HEPH: variants seen among roughly 807,000 people sequenced by gnomAD.
HEPH encodes the protein hephaestin.
A neutral mutation model predicts 80.8 loss-of-function variants in HEPH; 69 were observed. That is an observed-to-expected ratio of 0.85 (90% CI 0.70 to 1.04). The LOEUF is 1.04. HEPH is among the 50% of genes least tolerant of loss of function. HEPH has a pLI of 0.00. For missense variants in HEPH, 1,115 were observed against 891.3 expected (o/e 1.25, Z -3.20); for synonymous variants, 431 against 322.8 (o/e 1.34, Z -3.60).
chrX:66,198,023 A>C, intron 10 of HEPH, 129 bp downstream of exon 10: 1 of 541,903 alleles, frequency 1.8e-6, no homozygotes, highest in Admixed American at 3.3e-5. Context: ...AAGCTGGTCC[A>C]TCAGAAATTA....
upstream of HEPH, among the ~76,000 whole-genome samples, chrX:66,163,501 A>T (rs1332303189): frequency 9.0e-6 from 1 of 111,208 alleles, no homozygotes; most frequent in Non-Finnish European, 1.9e-5. Flanking sequence ...TTAATATAAA[A>T]TTTCACTCTA....
At chrX:66,208,085 T>C in intron 14 of HEPH, 30 bp from the exon 15 acceptor site, 1 of 1,097,664 alleles carries the variant, frequency 9.1e-7, no homozygotes, top group Non-Finnish European at 1.2e-6. Context: ...AATGAAACTT[T>C]ATTTATTTAA....
chrX:66,240,898 G>GA (rs1310949784), intron 15 of HEPH, among the ~76,000 whole-genome samples: 1 of 111,674 alleles, frequency 9.0e-6, no homozygotes, highest in Non-Finnish European at 1.9e-5. Context: ...CAACATAAAA[G>GA]AAAAAATATT....
intron 19 of HEPH, among the ~76,000 whole-genome samples, chrX:66,262,934 G>A (rs1438076334): frequency 5.4e-5 from 6 of 111,383 alleles, no homozygotes; most frequent in Non-Finnish European, 1.1e-4. Context: ...CATGGGAGTG[G>A]TTGGTAGAAT....
At chrX:66,250,358 A>T (rs1168795031) in intron 15 of HEPH, among the ~76,000 whole-genome samples, 1 of 111,798 alleles carries the variant, frequency 8.9e-6, no homozygotes, top group Non-Finnish European at 1.9e-5. Flanking sequence ...ATAACACTTT[A>T]TCCGGTGATT....
At chrX:66,163,836 G>T (rs1368567716), upstream of HEPH, among the ~76,000 whole-genome samples, 1 of 112,136 alleles carries the variant, frequency 8.9e-6, no homozygotes, top group Admixed American at 9.4e-5. Flanking sequence ...TTAAATAAGA[G>T]AATGCATGTA....
intron 1 of HEPH, 31 bp from the exon 2 acceptor site, chrX:66,170,527 C>T: frequency 1.7e-6 from 2 of 1,177,516 alleles, no homozygotes; most frequent in Non-Finnish European, 1.2e-6. Flanking sequence ...CTTTCTTCTA[C>T]ACCAGCAGTT....
chrX:66,171,072 A>G, intron 2 of HEPH: 1 of 312,217 alleles, frequency 3.2e-6, no homozygotes, highest in Non-Finnish European at 6.0e-6. Context: ...TGTAAGATGT[A>G]TGGGTGGGAG....
At chrX:66,243,026 A>G (rs2090662448) in intron 15 of HEPH, among the ~76,000 whole-genome samples, 1 of 111,843 alleles carries the variant, frequency 8.9e-6, no homozygotes, top group Non-Finnish European at 1.9e-5. Context: ...ATAACCAAGG[A>G]AATACAAATA....
chrX:66,259,661 G>T (rs1194132745), intron 18 of HEPH, among the ~76,000 whole-genome samples: 1 of 108,921 alleles, frequency 9.2e-6, no homozygotes, highest in Non-Finnish European at 1.9e-5. Flanking sequence ...AGTCACCTCT[G>T]TTGATTTAGC....
intron 18 of HEPH, 116 bp downstream of exon 18, chrX:66,259,095 T>C: frequency 1.3e-6 from 1 of 788,744 alleles, no homozygotes; most frequent in African/African-American, 2.1e-5. Flanking sequence ...AGCAGAGGTC[T>C]AGTACATGGA....
chrX:66,195,718 T>G (rs1182070200), intron 9 of HEPH, among the ~76,000 whole-genome samples: 1 of 111,614 alleles, frequency 9.0e-6, no homozygotes, highest in East Asian at 2.8e-4. Flanking sequence ...TTGTCGAAAT[T>G]TATTTACTTT....
intron 19 of HEPH, among the ~76,000 whole-genome samples, chrX:66,262,294 T>A (rs1469840906): frequency 8.9e-6 from 1 of 111,948 alleles, no homozygotes; most frequent in Non-Finnish European, 1.9e-5. Flanking sequence ...AGGAAAGTCA[T>A]CTTTCTACTC....
At chrX:66,257,676 C>T (rs1019452975) in intron 17 of HEPH, among the ~76,000 whole-genome samples, 1 of 111,830 alleles carries the variant, frequency 8.9e-6, no homozygotes, top group Non-Finnish European at 1.9e-5. Flanking sequence ...CGGCTATTGC[C>T]CATTTCTGTG....
intron 4 of HEPH, among the ~76,000 whole-genome samples, chrX:66,179,268 T>A (rs1328183629): frequency 8.9e-6 from 1 of 111,785 alleles, no homozygotes; most frequent in Non-Finnish European, 1.9e-5. Flanking sequence ...ATATGTGGTA[T>A]TATTTCTGAG....
At chrX:66,209,878 A>G (rs2089017873) in intron 15 of HEPH, among the ~76,000 whole-genome samples, 1 of 111,284 alleles carries the variant, frequency 9.0e-6, no homozygotes, top group Admixed American at 9.6e-5. Flanking sequence ...TGGATTTGGT[A>G]TATTTGTAAG....
intron 4 of HEPH, among the ~76,000 whole-genome samples, chrX:66,181,946 T>G (rs1216192055): frequency 9.0e-6 from 1 of 110,880 alleles, no homozygotes; most frequent in Admixed American, 9.6e-5. Flanking sequence ...GCACCATTTA[T>G]TAAATAGGGA....
upstream of HEPH, chrX:66,162,844 G>A (rs1050655254): frequency 2.5e-5 from 29 of 1,153,491 alleles, no homozygotes; most frequent in Admixed American, 1.3e-4. Flanking sequence ...GGAGAAAAGT[G>A]TCTGCTCCTA....
Position 66,203,549 on chromosome X carries a change from G to A in HEPH, c.2263G>A (p.Glu755Lys). The A allele has an allele frequency of 1.7e-6, 2 of 1,211,416 alleles. No homozygotes were observed. The highest frequency in any genetic ancestry group is 1.7e-5 in the African/African-American group (1 of 57,885). Residue 755 changes from glutamate (E) to lysine (K), a missense_variant, in exon 13 of 21, where the codon GAA becomes AAA. This residue lies in a region of HEPH where 716 missense variants were observed against 523.5 expected (regional missense o/e 1.37). Coordinates refer to ENST00000343002, the MANE Select transcript of HEPH (RefSeq NM_001367233.3). ...TTGCCCTGACCGGAGCTGGGAACGG[G>A]AATGGCACAACCAGTCTGAGAAGGA... ...DYCPDRSWER[E>K]WHNQSEKDSY...
Sources: gnomAD v4.1 joint callset for allele counts (sites outside exome capture counted in the v4.1 genomes callset) on GRCh38, gnomAD v4.1.1 for gene constraint, gnomAD v4.1.1 regional missense constraint, MANE v1.5 for transcripts, NCBI Gene and HGNC (gene_info 2026-07-23, HGNC 2026-07-21) for gene names.